The following ADAMTSL1 variants were observed in gnomAD, a reference collection of about 807,000 sequenced individuals.
ADAMTSL1 encodes the protein ADAMTS-like protein 1.
In ADAMTSL1, 126 loss-of-function variants were observed where a neutral mutation model predicts 201.8. The ratio of observed to expected loss-of-function variants is 0.62; its 90% CI spans 0.54 to 0.72. ADAMTSL1 has a LOEUF of 0.72. Among genes scored for constraint, ADAMTSL1 ranks in the 30% least tolerant of loss-of-function variants. ADAMTSL1 has a pLI of 0.00. For synonymous variants in ADAMTSL1, 1,121 were observed against 903.4 expected, an observed-to-expected ratio of 1.24 and a Z score of -4.32; for missense variants, 2,679 against 2,277.8, an observed-to-expected ratio of 1.18 and a Z score of -3.59.
intron 2 of ADAMTSL1, among the ~76,000 whole-genome samples, chr9:18,240,559 G>C (rs1831022899): frequency 6.6e-6 from 1 of 152,090 alleles, no homozygotes; most frequent in African/African-American, 2.4e-5. Context: ...CCCATAACAA[G>C]AGAGTTAGAC....
intron 26 of ADAMTSL1, among the ~76,000 whole-genome samples, chr9:18,904,762 C>A (rs1830206750): frequency 6.9e-6 from 1 of 144,892 alleles, no homozygotes; most frequent in Non-Finnish European, 1.5e-5. Context: ...ACATTTACCC[C>A]AACCCTCCAT....
intron 1 of ADAMTSL1, among the ~76,000 whole-genome samples, chr9:18,042,598 CA>C (rs1367798766): frequency 6.6e-6 from 1 of 152,052 alleles, no homozygotes; most frequent in Non-Finnish European, 1.5e-5. Context: ...TCTGTTTAGT[CA>C]GGATCAAATT....
Position 18,795,484 on chromosome 9 carries a change from C to T in ADAMTSL1, c.3765C>T (p.Ala1255=). 1 of 1,613,786 alleles carries T rather than the reference C, an allele frequency of 6.2e-7. No individual in the cohort carries two copies. The highest frequency in any genetic ancestry group is 8.5e-7 in the Non-Finnish European group (1 of 1,179,816). Residue 1255 remains alanine, a synonymous_variant, in exon 20 of 29, where the codon GCC becomes GCT. Transcript: ENST00000380548. ...TCTACACTTGCAATGCCACCAATGC[C>T]TTGGGATACGACTCTGTCTCCATTG... ...VGFYTCNATN[A]LGYDSVSIAV... is the part of the protein sequence containing the mutation.
chr9:18,287,032 C>G (rs1271742327), intron 2 of ADAMTSL1, among the ~76,000 whole-genome samples: 2 of 152,118 alleles, frequency 1.3e-5, no homozygotes, highest in South Asian at 2.1e-4. Flanking sequence ...TCTCAGTGCC[C>G]TACACTAACA....
At chr9:18,296,421 G>A (rs1294763656) in intron 2 of ADAMTSL1, among the ~76,000 whole-genome samples, 1 of 152,054 alleles carries the variant, frequency 6.6e-6, no homozygotes, top group Non-Finnish European at 1.5e-5. Flanking sequence ...ATGACATGGT[G>A]ATATAAGAGA....
intron 1 of ADAMTSL1, among the ~76,000 whole-genome samples, chr9:18,080,601 C>G (rs1823457613): frequency 6.6e-6 from 1 of 152,158 alleles, no homozygotes; most frequent in Non-Finnish European, 1.5e-5. Flanking sequence ...ATACCAAAAC[C>G]CTACATTGAA....
chr9:18,535,969 C>T (rs1052982183), intron 3 of ADAMTSL1, among the ~76,000 whole-genome samples: 2 of 152,166 alleles, frequency 1.3e-5, no homozygotes, highest in African/African-American at 4.8e-5. Flanking sequence ...CAGACTCTGA[C>T]CTCATATTAC....
intron 2 of ADAMTSL1, among the ~76,000 whole-genome samples, chr9:18,267,775 C>CAAA (rs1198311322): frequency 2.2e-4 from 24 of 108,526 alleles, no homozygotes; most frequent in South Asian, 6.1e-4. Flanking sequence ...AAAAAAAAAA[C>CAAA]AAAAACAAAA....
intron 9 of ADAMTSL1, 95 bp downstream of exon 9, chr9:18,662,168 A>C (rs1829136923): frequency 2.7e-5 from 39 of 1,460,448 alleles, no homozygotes; most frequent in Non-Finnish European, 3.4e-5. Context: ...TAAAAATAAA[A>C]TGAAATTAAA....
intron 2 of ADAMTSL1, among the ~76,000 whole-genome samples, chr9:18,347,235 A>G (rs1247770171): frequency 6.6e-6 from 1 of 152,098 alleles, no homozygotes; most frequent in Non-Finnish European, 1.5e-5. Context: ...CTTCTTAGAG[A>G]CAAAAAAATA....
intron 1 of ADAMTSL1, among the ~76,000 whole-genome samples, chr9:18,085,387 T>A (rs1454703855): frequency 6.6e-6 from 1 of 151,286 alleles, no homozygotes; most frequent in African/African-American, 2.4e-5. Context: ...TGAAATGGCA[T>A]AATATAAACA....
At chr9:18,441,115 G>C (rs976569192) in intron 2 of ADAMTSL1, among the ~76,000 whole-genome samples, 17 of 152,150 alleles carry the variant, frequency 1.1e-4, no homozygotes, top group Admixed American at 9.2e-4. Flanking sequence ...GTTCAAAACA[G>C]TCAAACCCAT....
At chr9:18,174,791 C>T (rs1401929103) in intron 2 of ADAMTSL1, among the ~76,000 whole-genome samples, 1 of 151,960 alleles carries the variant, frequency 6.6e-6, no homozygotes, top group African/African-American at 2.4e-5. Flanking sequence ...ATCCTGTTTT[C>T]CCTGGTTGTT....
chr9:18,538,896 T>G (rs1241709467), intron 3 of ADAMTSL1, among the ~76,000 whole-genome samples: 1 of 152,190 alleles, frequency 6.6e-6, no homozygotes, highest in Non-Finnish European at 1.5e-5. Context: ...CAGGTCTTCC[T>G]TGGTCAGAAT....
intron 1 of ADAMTSL1, among the ~76,000 whole-genome samples, chr9:17,914,846 A>G (rs1005562788): frequency 1.3e-5 from 2 of 152,136 alleles, no homozygotes; most frequent in South Asian, 2.1e-4. Context: ...AAATCAATGT[A>G]CAAAAATCAC....
intron 4 of ADAMTSL1, among the ~76,000 whole-genome samples, chr9:18,590,631 T>C (rs1040388961): frequency 1.3e-5 from 2 of 152,072 alleles, no homozygotes; most frequent in Non-Finnish European, 2.9e-5. Context: ...ATTATTTATA[T>C]TGTTTTGATA....
chr9:18,108,883 A>G (rs1824879535), intron 1 of ADAMTSL1, among the ~76,000 whole-genome samples: 1 of 152,152 alleles, frequency 6.6e-6, no homozygotes, highest in African/African-American at 2.4e-5. Flanking sequence ...GAAATTCACC[A>G]GCAGTTACCT....
intron 1 of ADAMTSL1, among the ~76,000 whole-genome samples, chr9:17,931,715 A>G (rs1826798610): frequency 6.6e-6 from 1 of 152,104 alleles, no homozygotes; most frequent in Non-Finnish European, 1.5e-5. Flanking sequence ...AAGTTGTGGC[A>G]GCTGTGAACA....
At chr9:18,883,184 T>G (rs182158966) in intron 23 of ADAMTSL1, among the ~76,000 whole-genome samples, 1 of 152,152 alleles carries the variant, frequency 6.6e-6, no homozygotes. Context: ...CCAAACTTGG[T>G]GACTTAAAAC....
Sources: allele counts gnomAD v4.1 joint callset (sites outside exome capture counted in the v4.1 genomes callset), GRCh38; gene constraint gnomAD v4.1.1; transcripts MANE v1.5; gene names NCBI Gene and HGNC (gene_info 2026-07-23, HGNC 2026-07-21).